CNTN6: variants seen among roughly 807,000 people sequenced by gnomAD.
The protein encoded by CNTN6 is contactin-6.
In CNTN6, 137 loss-of-function variants were observed where a neutral mutation model predicts 122.8. The observed-to-expected ratio is 1.12, with a 90% CI of 0.97 to 1.29. The LOEUF (loss-of-function observed/expected upper bound fraction) is 1.29, where lower values mean the gene tolerates loss of function less well. Among genes scored for constraint, CNTN6 ranks in the 50% most tolerant of loss-of-function variants. CNTN6 has a pLI of 0.00. For synonymous variants in CNTN6, 570 were observed against 426.0 expected (o/e 1.34, Z -4.16); for missense variants, 1,634 against 1,223.4 (o/e 1.34, Z -5.01).
chr3:1,262,018 G>GA (rs891036140), intron 4 of CNTN6, among the ~76,000 whole-genome samples: 40 of 152,068 alleles, frequency 2.6e-4, no homozygotes, highest in African/African-American at 9.4e-4. Flanking sequence ...TCAAATAAAT[G>GA]AAAAACCCAA....
intron 17 of CNTN6, among the ~76,000 whole-genome samples, chr3:1,379,490 C>T (rs112983763): frequency 5.6e-4 from 85 of 152,172 alleles, no homozygotes; most frequent in South Asian, 8.3e-4. Flanking sequence ...ACCTGGGTGA[C>T]GGGATCCATC....
intron 2 of CNTN6, among the ~76,000 whole-genome samples, chr3:1,154,189 A>G (rs1278131114): frequency 1.8e-5 from 2 of 110,170 alleles, no homozygotes; most frequent in Admixed American, 8.2e-5. Flanking sequence ...AGAATGTAGG[A>G]AAAAAAATTA....
At chr3:1,338,781 G>T (rs1703463760) in intron 11 of CNTN6, among the ~76,000 whole-genome samples, 1 of 152,038 alleles carries the variant, frequency 6.6e-6, no homozygotes, top group East Asian at 1.9e-4. Flanking sequence ...ATGACCTTTT[G>T]TTCTTGGTTT....
chr3:1,114,119 C>T (rs2091606333), intron 1 of CNTN6, among the ~76,000 whole-genome samples: 1 of 152,140 alleles, frequency 6.6e-6, no homozygotes, highest in South Asian at 2.1e-4. Flanking sequence ...AGAATACACT[C>T]TTCGGTTCTG....
At position 1,279,149 on chromosome 3, in the gene CNTN6, T is replaced by TA. The variant is rs1181451297; in HGVS notation, c.454+646dup. On this transcript the variant is annotated intron_variant, in intron 5 of 22. Transcript: ENST00000446702. ...AAATCAGAATGTCTCCTGGCAATGG[T>TA]AAAAATCAAGCAATAAATGCCAGCC... Among the ~76,000 whole-genome samples the TA allele has an allele frequency of 2.0e-5, 3 of 152,298 alleles. No individual in the cohort carries two copies. In the South Asian group the frequency reaches 6.2e-4, roughly 32 times the overall value.
chr3:1,194,247 A>G (rs990216989), intron 2 of CNTN6, among the ~76,000 whole-genome samples: 5 of 152,118 alleles, frequency 3.3e-5, no homozygotes, highest in African/African-American at 1.2e-4. Context: ...TGCAACTATA[A>G]CATTATTGAT....
At chr3:1,101,076 C>A (rs1456805304) in intron 1 of CNTN6, among the ~76,000 whole-genome samples, 1 of 152,112 alleles carries the variant, frequency 6.6e-6, no homozygotes, top group Non-Finnish European at 1.5e-5. Flanking sequence ...AGTGGCTCTA[C>A]AAATATCTCT....
chr3:1,318,048 T>TA (rs1342523299), intron 7 of CNTN6, among the ~76,000 whole-genome samples: 1 of 150,438 alleles, frequency 6.6e-6, no homozygotes, highest in Non-Finnish European at 1.5e-5. Flanking sequence ...TTATCAGACT[T>TA]ACAACTCCAA....
intron 20 of CNTN6, among the ~76,000 whole-genome samples, chr3:1,397,056 G>C (rs147536261): frequency 1.8e-4 from 27 of 151,842 alleles, no homozygotes; most frequent in African/African-American, 6.5e-4. Flanking sequence ...TATTTTCTTT[G>C]TTTGTTTGTT....
chr3:1,316,669 G>A (rs1700138108), intron 7 of CNTN6, among the ~76,000 whole-genome samples: 1 of 151,764 alleles, frequency 6.6e-6, no homozygotes, highest in South Asian at 2.1e-4. Context: ...AAGGATGAGA[G>A]CCACATTTCT....
At chr3:1,289,397 C>A (rs1255206726) in intron 5 of CNTN6, among the ~76,000 whole-genome samples, 2 of 152,134 alleles carry the variant, frequency 1.3e-5, no homozygotes, top group Non-Finnish European at 2.9e-5. Context: ...CAAAAGGGCA[C>A]CTGGATTGTA....
At chr3:1,316,321 C>T (rs1470112822) in intron 7 of CNTN6, among the ~76,000 whole-genome samples, 2 of 151,842 alleles carry the variant, frequency 1.3e-5, no homozygotes, top group Admixed American at 1.3e-4. Context: ...GCTTCTGCTT[C>T]TGGGGAGGCC....
In CNTN6 at chr3:1,326,334, A is replaced by T. The variant is rs138072006; in HGVS notation, c.1083+383A>T. Among the ~76,000 whole-genome samples, 89 of 148,348 alleles carry T rather than the reference A, an allele frequency of 6.0e-4. 1 individual carries two copies. The East Asian group carries it at 0.016, about 27-fold the overall frequency. On this transcript the variant is annotated intron_variant, in intron 9 of 22. Coordinates refer to ENST00000446702, the MANE Select transcript of CNTN6 (RefSeq NM_001289080.2). The stretch of plus-strand genomic sequence containing the variant: ...ATTGCACCCTCATGAAAACATTATA[A>T]GAGAGATACAAGTATTATTCCTTTA...
chr3:1,268,852 A>C (rs890838577), intron 4 of CNTN6, among the ~76,000 whole-genome samples: 46 of 152,024 alleles, frequency 3.0e-4, no homozygotes, highest in Admixed American at 5.2e-4. Context: ...TTGGTGGCAC[A>C]CACCTGTAAT....
chr3:1,181,671 G>A (rs76931313), intron 2 of CNTN6, among the ~76,000 whole-genome samples: 135 of 152,172 alleles, frequency 8.9e-4, no homozygotes, highest in African/African-American at 2.9e-3. Context: ...CTCTTTCTAC[G>A]GAGTATGTGC....
At chr3:1,195,144 G>T (rs1421426949) in intron 2 of CNTN6, among the ~76,000 whole-genome samples, 1 of 152,108 alleles carries the variant, frequency 6.6e-6, no homozygotes, top group Non-Finnish European at 1.5e-5. Context: ...CCCAGAATCT[G>T]AAGAGATGAT....
At chr3:1,270,018 T>C (rs1408458263) in intron 4 of CNTN6, among the ~76,000 whole-genome samples, 3 of 152,218 alleles carry the variant, frequency 2.0e-5, no homozygotes. Flanking sequence ...TGACCAGTTC[T>C]AAGATTTAGC....
chr3:1,099,438 C>G (rs1022081212), intron 1 of CNTN6, among the ~76,000 whole-genome samples: 27 of 152,106 alleles, frequency 1.8e-4, no homozygotes, highest in East Asian at 9.7e-4. Flanking sequence ...GTGACAGAGC[C>G]AGACTCTGTC....
At chr3:1,397,822 A>G (rs1269581724) in intron 20 of CNTN6, among the ~76,000 whole-genome samples, 1 of 152,142 alleles carries the variant, frequency 6.6e-6, no homozygotes, top group Non-Finnish European at 1.5e-5. Flanking sequence ...CTTTTATTTT[A>G]TCTTGCACTT....
Sources: gnomAD v4.1 joint callset for allele counts (sites outside exome capture counted in the v4.1 genomes callset) on GRCh38, gnomAD v4.1.1 for gene constraint, MANE v1.5 for transcripts, NCBI Gene and HGNC (gene_info 2026-07-23, HGNC 2026-07-21) for gene names.